PFKFB3: variants seen among roughly 807,000 people sequenced by gnomAD.
The protein encoded by PFKFB3 is 6-phosphofructo-2-kinase/fructose-2,6-bisphosphatase 3.
PFKFB3 carries 33 observed loss-of-function variants against 68.0 expected under a neutral mutation model. The ratio of observed to expected loss-of-function variants is 0.49; its 90% CI spans 0.37 to 0.65. The LOEUF is 0.65. Ranked by LOEUF, PFKFB3 falls within the 30% of genes least tolerant of loss-of-function variation. The pLI is 0.00. For missense variants in PFKFB3, 586 were observed against 712.2 expected, an observed-to-expected ratio of 0.82 and a Z score of 2.02; for synonymous variants, 315 against 288.2, an observed-to-expected ratio of 1.09 and a Z score of -0.94.
chr10:6,176,104 C>T (rs530425250), intron 1 of PFKFB3, among the ~76,000 whole-genome samples: 71 of 152,264 alleles, frequency 4.7e-4, no homozygotes, highest in African/African-American at 1.6e-3. Flanking sequence ...GTGTGGTGTT[C>T]GTGCAGTGGA....
intron 2 of PFKFB3, among the ~76,000 whole-genome samples, chr10:6,214,884 T>G (rs1310541138): frequency 6.6e-6 from 1 of 152,256 alleles, no homozygotes; most frequent in Non-Finnish European, 1.5e-5. Context: ...CTATTTTTGC[T>G]AGACTTGGGG....
intron 1 of PFKFB3, chr10:6,146,364 C>G: frequency 6.5e-7 from 1 of 1,534,920 alleles, no homozygotes; most frequent in Non-Finnish European, 8.7e-7. Flanking sequence ...TCTCCTGTCC[C>G]GTTGGGGTAG....
intron 1 of PFKFB3, among the ~76,000 whole-genome samples, chr10:6,174,481 C>T (rs566881765): frequency 1.4e-3 from 213 of 152,332 alleles, no homozygotes; most frequent in African/African-American, 4.8e-3. Context: ...CGAGAGATTC[C>T]GTGGCCCGGG....
intron 1 of PFKFB3, among the ~76,000 whole-genome samples, chr10:6,148,858 A>G (rs1227184053): frequency 6.6e-6 from 1 of 152,040 alleles, no homozygotes; most frequent in Non-Finnish European, 1.5e-5. Context: ...TGGGAGGATC[A>G]CTTAAGGCCA....
upstream of PFKFB3, among the ~76,000 whole-genome samples, chr10:6,198,505 CAG>C (rs1234041597): frequency 1.3e-5 from 2 of 152,092 alleles, no homozygotes; most frequent in Non-Finnish European, 2.9e-5. Context: ...TTTTTTGAGA[CAG>C]AGTCTCGCTC....
At chr10:6,146,458 GT>G in intron 1 of PFKFB3, 1 of 1,535,698 alleles carries the variant, frequency 6.5e-7, no homozygotes, top group South Asian at 1.2e-5. Context: ...GACACGTTTA[GT>G]CCCAAGGCCA....
At chr10:6,178,569 C>CT (rs147094742) in intron 1 of PFKFB3, among the ~76,000 whole-genome samples, 128,969 of 149,840 alleles carry the variant, frequency 0.86, 55,237 homozygotes, top group South Asian at 0.93. Context: ...TGGAGAGCTT[C>CT]CGGGATGGAC....
the PFKFB3 span, among the ~76,000 whole-genome samples, chr10:6,282,242 T>C: frequency 2.0e-5 from 3 of 152,172 alleles, no homozygotes; most frequent in African/African-American, 7.2e-5. Flanking sequence ...GGAAAAGAAT[T>C]GGTGGTGACC....
the PFKFB3 span, among the ~76,000 whole-genome samples, chr10:6,321,097 C>T: frequency 6.6e-6 from 1 of 152,074 alleles, no homozygotes; most frequent in Non-Finnish European, 1.5e-5. Flanking sequence ...TAAAGTTGAC[C>T]TTTATCCATC....
the PFKFB3 span, among the ~76,000 whole-genome samples, chr10:6,302,746 GTA>G: frequency 4.2e-3 from 467 of 109,952 alleles, 3 homozygotes; most frequent in African/African-American, 0.016. Context: ...ATATGTGTGT[GTA>G]TACACACACA....
intron 2 of PFKFB3, among the ~76,000 whole-genome samples, chr10:6,214,995 G>T (rs768302316): frequency 2.5e-4 from 38 of 152,236 alleles, no homozygotes; most frequent in Non-Finnish European, 5.1e-4. Flanking sequence ...AGAGCATGCG[G>T]CAGGGGCATT....
intron 14 of PFKFB3, among the ~76,000 whole-genome samples, chr10:6,232,310 G>A (rs1267274325): frequency 1.3e-5 from 2 of 152,110 alleles, no homozygotes; most frequent in Non-Finnish European, 2.9e-5. Context: ...CTCCCTGCGA[G>A]GGCCACTGTG....
chr10:6,295,466 C>A, the PFKFB3 span, among the ~76,000 whole-genome samples: 1 of 152,056 alleles, frequency 6.6e-6, no homozygotes, highest in Admixed American at 6.6e-5. Flanking sequence ...CTCAGGTGAT[C>A]CACCCCACCT....
intron 1 of PFKFB3, chr10:6,145,158 G>C: frequency 1.8e-6 from 1 of 545,944 alleles, no homozygotes; most frequent in Non-Finnish European, 2.8e-6. Flanking sequence ...GGCCAAGCGA[G>C]ACGCGCTCCG....
rs77771311 is a variant in PFKFB3, at chr10:6,182,625, C to T, written c.17-30998C>T. Among the ~76,000 whole-genome samples the T allele has an allele frequency of 9.9e-3, 1,501 of 152,278 alleles. 17 individuals are homozygous for T. The highest frequency in any genetic ancestry group is 0.037 in the Middle Eastern group (11 of 294). ...GAGCGGGAGTGCCGGGATGTGGCCT[C>T]GAGGCCCCCGCCTGTCATTGTCTCC... is the stretch of plus-strand genomic sequence containing the variant. On this transcript the variant is annotated intron_variant, in intron 1 of 14. Transcript: ENST00000379789.
chr10:6,151,953 A>G (rs888683494), intron 1 of PFKFB3, among the ~76,000 whole-genome samples: 2 of 147,160 alleles, frequency 1.4e-5, no homozygotes, highest in African/African-American at 5.0e-5. Flanking sequence ...CTGGCTTCAC[A>G]TTAGAATTAA....
chr10:6,237,326 C>A (rs1181927134), downstream of PFKFB3, among the ~76,000 whole-genome samples: 1 of 152,248 alleles, frequency 6.6e-6, no homozygotes, highest in African/African-American at 2.4e-5. Context: ...GGACCTGGCC[C>A]GCAGTGGGCT....
At chr10:6,177,376 C>CTT (rs1185276272) in intron 1 of PFKFB3, among the ~76,000 whole-genome samples, 123 of 109,216 alleles carry the variant, frequency 1.1e-3, no homozygotes, top group African/African-American at 3.4e-3. Flanking sequence ...TTCTTTCTTT[C>CTT]TTTCTTTCTT....
chr10:6,281,182 T>TAC, the PFKFB3 span, among the ~76,000 whole-genome samples: 6 of 133,612 alleles, frequency 4.5e-5, 1 homozygote, highest in African/African-American at 1.6e-4. Context: ...TATATATATA[T>TAC]ACACCACAGT....
Sources: gnomAD v4.1 joint callset for allele counts (sites outside exome capture counted in the v4.1 genomes callset) on GRCh38, gnomAD v4.1.1 for gene constraint, MANE v1.5 for transcripts, NCBI Gene and HGNC (gene_info 2026-07-23, HGNC 2026-07-21) for gene names.